The following ARHGAP22 variants were observed in gnomAD, a reference collection of about 807,000 sequenced individuals.
ARHGAP22 encodes rho GTPase-activating protein 22.
Under a neutral mutation model 59.1 loss-of-function variants are expected in ARHGAP22, and 48 were observed. The observed-to-expected ratio is 0.81, with a 90% CI of 0.64 to 1.03. The LOEUF (loss-of-function observed/expected upper bound fraction) is 1.03. ARHGAP22 is among the 50% of genes least tolerant of loss of function. The pLI is 0.00. For synonymous variants in ARHGAP22, 445 were observed against 416.4 expected, an observed-to-expected ratio of 1.07 and a Z score of -0.84; for missense variants, 1,015 against 958.7, an observed-to-expected ratio of 1.06 and a Z score of -0.78.
chr10:48,498,841 A>G (rs2051215831), intron 3 of ARHGAP22, among the ~76,000 whole-genome samples: 1 of 152,184 alleles, frequency 6.6e-6, no homozygotes, highest in Non-Finnish European at 1.5e-5. Context: ...GTGCATACCT[A>G]TCACTCATTA....
intron 1 of ARHGAP22, among the ~76,000 whole-genome samples, chr10:48,619,950 T>C (rs952012458): frequency 6.6e-6 from 1 of 152,212 alleles, no homozygotes; most frequent in Non-Finnish European, 1.5e-5. Context: ...ACTATGTATC[T>C]GACAAGGGAT....
chr10:48,599,849 G>A (rs1259260718), intron 1 of ARHGAP22, among the ~76,000 whole-genome samples: 1 of 152,206 alleles, frequency 6.6e-6, no homozygotes, highest in Non-Finnish European at 1.5e-5. Context: ...TGATGGCATT[G>A]TGCGTACCTG....
At chr10:48,566,881 T>C (rs1822863) in intron 2 of ARHGAP22, among the ~76,000 whole-genome samples, 60,191 of 152,002 alleles carry the variant, frequency 0.4, 13,518 homozygotes, top group East Asian at 0.89. Context: ...ACTTTCAGTG[T>C]TGCACAGCTC....
intron 2 of ARHGAP22, among the ~76,000 whole-genome samples, chr10:48,567,782 C>G (rs2058143139): frequency 6.6e-6 from 1 of 152,136 alleles, no homozygotes; most frequent in Non-Finnish European, 1.5e-5. Context: ...ACCACAGAGA[C>G]AGATGAGGCC....
At chr10:48,512,491 C>T in intron 3 of ARHGAP22, among the ~76,000 whole-genome samples, 1 of 152,208 alleles carries the variant, frequency 6.6e-6, no homozygotes, top group East Asian at 1.9e-4. Flanking sequence ...GTTAAAAATG[C>T]TTTTATTTCA....
At chr10:48,505,093 G>A (rs1275630666) in intron 3 of ARHGAP22, among the ~76,000 whole-genome samples, 2 of 152,124 alleles carry the variant, frequency 1.3e-5, no homozygotes, top group African/African-American at 4.8e-5. Flanking sequence ...TCGCTCTATT[G>A]CCCAGGCTGG....
chr10:48,655,468 C>A (rs1429064032), upstream of ARHGAP22: 6 of 152,546 alleles, frequency 3.9e-5, no homozygotes, highest in Non-Finnish European at 7.3e-5. Context: ...GGAGACTGCT[C>A]TCCAGTCCCT....
In ARHGAP22 at chr10:48,579,260, G is replaced by A. The variant is rs577605715; in HGVS notation, c.234+3693C>T. On this transcript the variant is annotated intron_variant, in intron 2 of 9. Coordinates refer to ENST00000249601, the MANE Select transcript of ARHGAP22 (RefSeq NM_021226.4). Reference sequence around the variant, plus strand: ...AGAAACCCACAACAAATAAAGGACCGAGATAACTAGACTTAAAGTGAGTTC... The same window carrying A: ...AGAAACCCACAACAAATAAAGGACCAAGATAACTAGACTTAAAGTGAGTTC... Among the ~76,000 whole-genome samples, 357 of 152,220 alleles carry A rather than the reference G, an allele frequency of 2.3e-3. 1 individual carries two copies. Among genetic ancestry groups the A allele is most frequent in the Non-Finnish European group, 4.5e-3 (305 of 68,028 alleles).
chr10:48,600,404 G>T (rs548193378), intron 1 of ARHGAP22, among the ~76,000 whole-genome samples: 1 of 152,292 alleles, frequency 6.6e-6, no homozygotes, highest in South Asian at 2.1e-4. Context: ...AACTTTCTGG[G>T]CTTAAGGAAA....
intron 4 of ARHGAP22, among the ~76,000 whole-genome samples, chr10:48,469,208 T>C (rs1437495302): frequency 6.6e-6 from 1 of 152,230 alleles, no homozygotes; most frequent in African/African-American, 2.4e-5. Context: ...GCTAGAGGCC[T>C]GCAGGCACCA....
upstream of ARHGAP22, among the ~76,000 whole-genome samples, chr10:48,652,833 C>T (rs1461929638): frequency 2.0e-5 from 3 of 152,134 alleles, no homozygotes; most frequent in African/African-American, 4.8e-5. Context: ...AGAGCAAGTC[C>T]CACAGAGGGA....
At chr10:48,627,581 A>C (rs948697960) in intron 1 of ARHGAP22, among the ~76,000 whole-genome samples, 3 of 152,188 alleles carry the variant, frequency 2.0e-5, no homozygotes, top group Non-Finnish European at 4.4e-5. Context: ...GGTTTGGGAG[A>C]GAGCCGGCGC....
At chr10:48,542,377 G>C (rs959264161) in intron 3 of ARHGAP22, among the ~76,000 whole-genome samples, 1 of 152,208 alleles carries the variant, frequency 6.6e-6, no homozygotes, top group Admixed American at 6.5e-5. Flanking sequence ...AATGCTCTGT[G>C]GTTAGTGTCT....
chr10:48,466,382 C>A (rs547622374), intron 4 of ARHGAP22, among the ~76,000 whole-genome samples: 82 of 152,118 alleles, frequency 5.4e-4, no homozygotes, highest in African/African-American at 1.8e-3. Flanking sequence ...ACGACCCTCG[C>A]CCCCTGGGAA....
intron 1 of ARHGAP22, among the ~76,000 whole-genome samples, chr10:48,634,020 C>A (rs2136111153): frequency 6.6e-6 from 1 of 152,314 alleles, no homozygotes; most frequent in South Asian, 2.1e-4. Context: ...TGCTTCCTCC[C>A]ACGCTTGTTT....
At chr10:48,472,859 A>T (rs2048358623) in intron 4 of ARHGAP22, among the ~76,000 whole-genome samples, 2 of 152,146 alleles carry the variant, frequency 1.3e-5, no homozygotes, top group South Asian at 2.1e-4. Flanking sequence ...GCTGGTGAGG[A>T]TGTAGATGAA....
At chr10:48,537,936 T>A (rs2135061807) in intron 3 of ARHGAP22, among the ~76,000 whole-genome samples, 1 of 152,280 alleles carries the variant, frequency 6.6e-6, no homozygotes, top group Admixed American at 6.5e-5. Flanking sequence ...TGGACTGGAT[T>A]CCAAGACTAG....
chr10:48,461,428 G>A (rs1202964309), intron 4 of ARHGAP22, among the ~76,000 whole-genome samples: 1 of 152,122 alleles, frequency 6.6e-6, no homozygotes, highest in Non-Finnish European at 1.5e-5. Flanking sequence ...CTTATGACTT[G>A]TATGCTTTTC....
At chr10:48,554,915 G>A (rs1180427102) in intron 3 of ARHGAP22, among the ~76,000 whole-genome samples, 2 of 152,200 alleles carry the variant, frequency 1.3e-5, no homozygotes, top group East Asian at 1.9e-4. Context: ...CAGCAGAGCC[G>A]GCCCTGCCAT....
Sources: gnomAD v4.1 joint callset for allele counts (sites outside exome capture counted in the v4.1 genomes callset) on GRCh38, gnomAD v4.1.1 for gene constraint, MANE v1.5 for transcripts, NCBI Gene and HGNC (gene_info 2026-07-23, HGNC 2026-07-21) for gene names.